The following EIF4E variants were observed in gnomAD, a reference collection of about 807,000 sequenced individuals.
The protein encoded by EIF4E is eukaryotic translation initiation factor 4E.
For synonymous variants in EIF4E, 71 were observed against 88.5 expected (o/e 0.80, Z 1.11); for missense variants, 113 against 265.6 (o/e 0.43, Z 3.99).
At chr4:98,892,727 T>C (rs1490825027) in intron 2 of EIF4E, among the ~76,000 whole-genome samples, 2 of 151,554 alleles carry the variant, frequency 1.3e-5, no homozygotes, top group African/African-American at 2.4e-5. Flanking sequence ...TTGGCTGATA[T>C]TTCTCAGAGG....
intron 1 of EIF4E, among the ~76,000 whole-genome samples, chr4:98,921,217 T>C (rs1285464884): frequency 6.6e-6 from 1 of 152,184 alleles, no homozygotes; most frequent in African/African-American, 2.4e-5. Flanking sequence ...AGAAAAAATA[T>C]ACATTTCACA....
intron 1 of EIF4E, among the ~76,000 whole-genome samples, chr4:98,913,873 T>A (rs771855181): frequency 3.3e-5 from 5 of 152,012 alleles, no homozygotes; most frequent in Non-Finnish European, 5.9e-5. Flanking sequence ...AATAAAAACA[T>A]CTACATTCTT....
At chr4:98,892,850 C>A (rs969926439) in intron 2 of EIF4E, among the ~76,000 whole-genome samples, 1 of 152,126 alleles carries the variant, frequency 6.6e-6, no homozygotes, top group African/African-American at 2.4e-5. Context: ...AGTAATGCTG[C>A]ATAGATATGT....
intron 1 of EIF4E, chr4:98,926,233 G>A (rs1488565536): frequency 6.6e-6 from 1 of 151,744 alleles, no homozygotes; most frequent in Non-Finnish European, 1.5e-5. Flanking sequence ...TGTGCACAAG[G>A]GTATATTAAA....
intron 1 of EIF4E, among the ~76,000 whole-genome samples, chr4:98,912,009 C>G (rs1396213001): frequency 6.6e-6 from 1 of 151,986 alleles, no homozygotes; most frequent in Admixed American, 6.6e-5. Flanking sequence ...AATCCCAGCA[C>G]TTTGGGAGGT....
intron 1 of EIF4E, chr4:98,926,600 T>C (rs1453707400): frequency 6.6e-6 from 1 of 152,196 alleles, no homozygotes; most frequent in East Asian, 1.9e-4. Context: ...ATTTTACATA[T>C]ATTCTCAAAA....
At chr4:98,901,201 T>A (rs1724631356) in intron 2 of EIF4E, among the ~76,000 whole-genome samples, 2 of 122,656 alleles carry the variant, frequency 1.6e-5, no homozygotes, top group Non-Finnish European at 3.2e-5. Context: ...CCACTGTCTC[T>A]TTTTTTTTTT....
At chr4:98,917,507 A>G (rs1450963083) in intron 1 of EIF4E, among the ~76,000 whole-genome samples, 2 of 152,168 alleles carry the variant, frequency 1.3e-5, no homozygotes, top group Non-Finnish European at 2.9e-5. Context: ...TCAGATTATC[A>G]TTTTTATGAG....
intron 1 of EIF4E, among the ~76,000 whole-genome samples, chr4:98,917,454 A>G (rs552855319): frequency 1.3e-5 from 2 of 152,186 alleles, no homozygotes; most frequent in African/African-American, 4.8e-5. Flanking sequence ...CTCTAGTAGA[A>G]ATTCTAGGAA....
At chr4:98,925,135 T>A (rs1025409804) in intron 1 of EIF4E, among the ~76,000 whole-genome samples, 1 of 152,210 alleles carries the variant, frequency 6.6e-6, no homozygotes, top group Non-Finnish European at 1.5e-5. Flanking sequence ...GTACAGAGCA[T>A]GTTTCCAAAG....
chr4:98,907,477 T>C (rs1724922841), intron 1 of EIF4E, among the ~76,000 whole-genome samples: 1 of 152,192 alleles, frequency 6.6e-6, no homozygotes, highest in African/African-American at 2.4e-5. Flanking sequence ...AGACATTCTA[T>C]ATCAGGCACA....
In EIF4E at chr4:98,887,313, C is replaced by T; in HGVS notation, c.286-121G>A. On this transcript the variant is annotated intron_variant, in intron 4 of 6. Coordinates refer to ENST00000450253, the MANE Select transcript of EIF4E (RefSeq NM_001968.5). This position sits in a 1 kb window ranked among gnomAD's most constrained non-coding sequence, Gnocchi z 4.0. ...CTTACTTTATTGCCCATAAAACTGC[C>T]ATTGATGTAGTTTTTAAACAGCACA... is the stretch of plus-strand genomic sequence containing the variant. 2 of 1,022,946 alleles carry T rather than the reference C, an allele frequency of 2.0e-6. No homozygotes were observed. Among genetic ancestry groups the T allele is most frequent in the South Asian group, 1.3e-5 (1 of 78,464 alleles). 63.4% of individuals were successfully genotyped at this position (1,022,946 alleles called of 1,614,324 possible).
intron 1 of EIF4E, among the ~76,000 whole-genome samples, chr4:98,928,549 C>T (rs1315793166): frequency 2.6e-5 from 4 of 152,112 alleles, no homozygotes; most frequent in East Asian, 1.9e-4. Flanking sequence ...TCCCGCCTAA[C>T]CCACCCTCCG....
At chr4:98,904,323 T>TTC (rs143113463) in intron 1 of EIF4E, among the ~76,000 whole-genome samples, 1 of 151,826 alleles carries the variant, frequency 6.6e-6, no homozygotes, top group African/African-American at 2.4e-5. Context: ...ACAATCCTCT[T>TTC]TCTCTCTCTC....
chr4:98,887,285 C>T lies in EIF4E; in HGVS notation c.286-93G>A, dbSNP rs927522079. On this transcript the variant is annotated intron_variant, in intron 4 of 6. Transcript: ENST00000450253. This position sits in a 1 kb window ranked among gnomAD's most constrained non-coding sequence, Gnocchi z 4.0. ...AACAGTTAAGCAACAACACTGTCAA[C>T]TTCTTACTTTATTGCCCATAAAACT... 260 of 1,300,360 alleles carry T rather than the reference C, an allele frequency of 2.0e-4. No individual in the cohort carries two copies. Among genetic ancestry groups the T allele is most frequent in the Non-Finnish European group, 2.8e-4 (255 of 897,996 alleles). The allele number at this position is 1,300,360 out of a possible 1,614,324, so 80.6% of individuals were successfully genotyped here.
At chr4:98,919,340 A>C (rs1328579202) in intron 1 of EIF4E, among the ~76,000 whole-genome samples, 7 of 146,990 alleles carry the variant, frequency 4.8e-5, no homozygotes, top group African/African-American at 1.5e-4. Context: ...AGCAAAAAAA[A>C]AAAAAACAAA....
At chr4:98,925,633 CAAT>C (rs1339496980) in intron 1 of EIF4E, among the ~76,000 whole-genome samples, 4 of 152,124 alleles carry the variant, frequency 2.6e-5, no homozygotes, top group Non-Finnish European at 2.9e-5. Context: ...GAAAACCACA[CAAT>C]AATATCAAAC....
chr4:98,928,837 G>A, intron 1 of EIF4E: 4 of 1,529,776 alleles, frequency 2.6e-6, no homozygotes, highest in South Asian at 1.2e-5. Flanking sequence ...TCGCGGTTCC[G>A]CAGGAGGCGC....
chr4:98,917,945 G>A (rs574613768), intron 1 of EIF4E, among the ~76,000 whole-genome samples: 26 of 151,710 alleles, frequency 1.7e-4, no homozygotes, highest in South Asian at 6.2e-4. Context: ...GCGTGGTGGC[G>A]CACACCTGTA....
Sources: allele counts gnomAD v4.1 joint callset (sites outside exome capture counted in the v4.1 genomes callset), GRCh38; gene constraint gnomAD v4.1.1; non-coding constraint Gnocchi (gnomAD v3.1); transcripts MANE v1.5; gene names NCBI Gene and HGNC (gene_info 2026-07-23, HGNC 2026-07-21).